DNAH7: variants seen among roughly 807,000 people sequenced by gnomAD.
The protein encoded by DNAH7 is axonemal beta dynein heavy chain 7.
DNAH7 carries 397 observed loss-of-function variants against 444.6 expected under a neutral mutation model. The ratio of observed to expected loss-of-function variants is 0.89; its 90% CI spans 0.82 to 0.97. DNAH7 has a LOEUF of 0.97. DNAH7 is among the 50% of genes least tolerant of loss of function. The probability of loss-of-function intolerance (pLI) is 0.00; values close to 1 mark genes in which losing one functional copy is unlikely to be tolerated. For missense variants in DNAH7, 4,902 were observed against 4,800.8 expected (o/e 1.02, Z -0.62); for synonymous variants, 1,636 against 1,624.4 (o/e 1.01, Z -0.17).
chr2:196,068,624 G>T, intron 1 of DNAH7, 73 bp downstream of exon 1: 1 of 1,543,276 alleles, frequency 6.5e-7, no homozygotes, highest in Non-Finnish European at 8.8e-7. Context: ...AGGCAGGAGG[G>T]GCTTCCACCA....
intron 8 of DNAH7, 105 bp from the exon 9 acceptor site, chr2:196,019,400 ATCCCT>A: frequency 1.2e-6 from 1 of 827,948 alleles, no homozygotes. Flanking sequence ...TATGTGCTGT[ATCCCT>A]CATCATAATA....
At chr2:196,054,845 G>C (rs2125874737) in intron 2 of DNAH7, among the ~76,000 whole-genome samples, 1 of 152,090 alleles carries the variant, frequency 6.6e-6, no homozygotes, top group East Asian at 1.9e-4. Flanking sequence ...TCTCCCTCTT[G>C]TCTCCTGCCA....
intron 15 of DNAH7, among the ~76,000 whole-genome samples, chr2:195,981,972 A>G (rs1454900321): frequency 6.6e-6 from 1 of 152,210 alleles, no homozygotes; most frequent in Non-Finnish European, 1.5e-5. Flanking sequence ...ATGGGATCAC[A>G]TCCAGTTAAA....
chr2:195,847,442 G>A (rs1300569520), intron 46 of DNAH7, among the ~76,000 whole-genome samples: 1 of 151,786 alleles, frequency 6.6e-6, no homozygotes, highest in Admixed American at 6.6e-5. Context: ...GCTAAATGAT[G>A]ACAAGGCATA....
intron 63 of DNAH7, among the ~76,000 whole-genome samples, chr2:195,743,979 C>T (rs943329694): frequency 2.6e-5 from 4 of 152,214 alleles, no homozygotes; most frequent in Admixed American, 6.5e-5. Flanking sequence ...AGGTACCGGG[C>T]TCATCTCACT....
At chr2:195,926,024 T>C (rs1458243657) in intron 22 of DNAH7, among the ~76,000 whole-genome samples, 1 of 152,138 alleles carries the variant, frequency 6.6e-6, no homozygotes. Flanking sequence ...TCACAATAAG[T>C]CAACTGGAGC....
At chr2:195,955,068 C>T (rs1326842896) in intron 19 of DNAH7, among the ~76,000 whole-genome samples, 4 of 152,128 alleles carry the variant, frequency 2.6e-5, no homozygotes, top group Non-Finnish European at 4.4e-5. Context: ...GTTGCCATGG[C>T]TTTTGGTGTT....
chr2:196,035,547 G>A (rs1285876293), intron 5 of DNAH7, among the ~76,000 whole-genome samples: 1 of 152,170 alleles, frequency 6.6e-6, no homozygotes, highest in Non-Finnish European at 1.5e-5. Flanking sequence ...GAGGCGCCCA[G>A]TGCCTGTCTT....
intron 19 of DNAH7, among the ~76,000 whole-genome samples, chr2:195,956,246 T>C (rs1430871675): frequency 6.6e-6 from 1 of 152,226 alleles, no homozygotes; most frequent in Non-Finnish European, 1.5e-5. Flanking sequence ...TATAGTATTA[T>C]ATTTTATCAA....
chr2:195,751,892 C>A (rs1259587288), intron 63 of DNAH7, among the ~76,000 whole-genome samples: 1 of 152,094 alleles, frequency 6.6e-6, no homozygotes, highest in Non-Finnish European at 1.5e-5. Context: ...TAAAAAAGTT[C>A]TGTGGCTTCT....
At chr2:195,830,827 G>T (rs1698033424) in intron 48 of DNAH7, among the ~76,000 whole-genome samples, 1 of 152,108 alleles carries the variant, frequency 6.6e-6, no homozygotes, top group Non-Finnish European at 1.5e-5. Context: ...ATCTCTTTCT[G>T]CCCCTTTAAC....
At chr2:195,995,094 T>C (rs570246500) in intron 12 of DNAH7, 67 of 254,298 alleles carry the variant, frequency 2.6e-4, no homozygotes, top group Middle Eastern at 1.4e-3. Context: ...CATGCCCAGC[T>C]AATTTTTGTA....
chr2:195,843,333 A>G (rs898409765), intron 47 of DNAH7, among the ~76,000 whole-genome samples: 4 of 152,178 alleles, frequency 2.6e-5, no homozygotes, highest in Non-Finnish European at 5.9e-5. Context: ...ATTTTAGATT[A>G]TCTATTTTCT....
At chr2:195,912,950 T>C (rs1396829466) in intron 24 of DNAH7, among the ~76,000 whole-genome samples, 3 of 152,188 alleles carry the variant, frequency 2.0e-5, no homozygotes, top group South Asian at 2.1e-4. Context: ...GGAGCTATTA[T>C]TAATTTTGAT....
chr2:195,960,359 G>A lies in DNAH7; in HGVS notation c.2792C>T (p.Ala931Val). 1 of 1,613,980 alleles carries A rather than the reference G, an allele frequency of 6.2e-7. No individual in the cohort carries two copies. Among genetic ancestry groups the A allele is most frequent in the Non-Finnish European group, 8.5e-7 (1 of 1,180,002 alleles). ...CAACATCTGAATTTCATCAACTGATGCCAAAATAAATGTCCCAGTTTCTCT... is the reference window on the plus strand; with the variant it reads ...CAACATCTGAATTTCATCAACTGATACCAAAATAAATGTCCCAGTTTCTCT... Reference protein sequence around the residue: ...SYRETGTFILASVDEIQMLLD... With the variant: ...SYRETGTFILVSVDEIQMLLD... Residue 931 changes from alanine (A) to valine (V), a missense_variant, in exon 18 of 65, where the codon GCA (alanine) becomes GTA (valine). By Grantham distance (64) the Ala-to-Val change is moderately conservative (BLOSUM62 0). Coordinates refer to ENST00000312428, the MANE Select transcript of DNAH7 (RefSeq NM_018897.3).
At chr2:196,014,332 G>T (rs941436854) in intron 9 of DNAH7, among the ~76,000 whole-genome samples, 4 of 152,142 alleles carry the variant, frequency 2.6e-5, no homozygotes, top group Non-Finnish European at 5.9e-5. Context: ...GTTTTATGAT[G>T]ATGAGTCTTC....
intron 2 of DNAH7, among the ~76,000 whole-genome samples, chr2:196,051,480 A>T (rs912261673): frequency 6.6e-6 from 1 of 152,202 alleles, no homozygotes; most frequent in African/African-American, 2.4e-5. Context: ...AGCTTTAAAA[A>T]GTATGCAAAA....
chr2:195,808,977 CA>C, intron 52 of DNAH7, 101 bp from the exon 53 acceptor site: 3 of 975,228 alleles, frequency 3.1e-6, no homozygotes, highest in Non-Finnish European at 4.5e-6. Flanking sequence ...TTCCAAGTTT[CA>C]GATGTGGTCT....
chr2:195,926,060 CA>C (rs1449178382), intron 22 of DNAH7, among the ~76,000 whole-genome samples: 2 of 151,992 alleles, frequency 1.3e-5, no homozygotes, highest in African/African-American at 2.4e-5. Context: ...TAGTTTTACT[CA>C]AGGTATAAAA....
Sources: gnomAD v4.1 joint callset for allele counts (sites outside exome capture counted in the v4.1 genomes callset) on GRCh38, gnomAD v4.1.1 for gene constraint, MANE v1.5 for transcripts, NCBI Gene and HGNC (gene_info 2026-07-23, HGNC 2026-07-21) for gene names.